SEMA4B: variants seen among roughly 807,000 people sequenced by gnomAD.
The protein encoded by SEMA4B is semaphorin-4B.
A neutral mutation model predicts 88.1 loss-of-function variants in SEMA4B; 55 were observed. The observed-to-expected ratio is 0.62, with a 90% confidence interval of 0.50 to 0.78. The LOEUF (loss-of-function observed/expected upper bound fraction) is 0.78. SEMA4B is among the 30% of genes least tolerant of loss of function. SEMA4B has a pLI of 0.00. For missense variants in SEMA4B, 1,062 were observed against 1,111.9 expected (o/e 0.96, Z 0.64); for synonymous variants, 525 against 473.6 (o/e 1.11, Z -1.41).
chr15:90,225,893 C>A, intron 12 of SEMA4B, 66 bp downstream of exon 12: 1 of 1,330,448 alleles, frequency 7.5e-7, no homozygotes, highest in Non-Finnish European at 9.8e-7. Flanking sequence ...GAGCACCATC[C>A]TGGGCCCTCC....
chr15:90,191,127 C>G (rs1034992375), intron 1 of SEMA4B, among the ~76,000 whole-genome samples: 1 of 152,188 alleles, frequency 6.6e-6, no homozygotes. Context: ...TTGAGCCCTG[C>G]TGATTGCCCC....
At chr15:90,197,110 G>C (rs1960533865), upstream of SEMA4B, among the ~76,000 whole-genome samples, 1 of 152,066 alleles carries the variant, frequency 6.6e-6, no homozygotes, top group South Asian at 2.1e-4. Context: ...AGATTGGCCA[G>C]GTACAGTGGT....
At chr15:90,215,617 G>A (rs752156836) in intron 1 of SEMA4B, among the ~76,000 whole-genome samples, 9 of 151,964 alleles carry the variant, frequency 5.9e-5, no homozygotes, top group Non-Finnish European at 1.2e-4. Flanking sequence ...TTCGAGACCA[G>A]CCTGGCCAAC....
rs1962265643 is a variant in SEMA4B at position 90,228,008 on chromosome 15, G to GC, written c.1884dup (p.Val629ArgfsTer57). 6.2e-7 allele frequency: 1 copy of GC among 1,613,782 alleles called. No homozygotes were observed. Among genetic ancestry groups the GC allele is most frequent in the East Asian group, 2.2e-5 (1 of 44,868 alleles). On this transcript the variant is annotated frameshift_variant, in exon 14 of 14. Transcript: ENST00000411539. LOFTEE classifies it high-confidence loss of function. ...GACCCGACTCTGGCTACGCAACGGG[G>GC]CCCCCGTCAATGCCTCGGCCTCCTG... is the stretch of plus-strand genomic sequence containing the variant.
In SEMA4B at chr15:90,217,596, C is replaced by T. The variant is rs200243901; in HGVS notation, c.315C>T (p.Tyr105=). 146 of 1,613,450 alleles carry T rather than the reference C, an allele frequency of 9.0e-5. No individual in the cohort carries two copies. Among genetic ancestry groups the T allele is most frequent in the Middle Eastern group, 6.6e-4 (4 of 6,062 alleles). ...TCAGCTTCCTGCCAGGCGGGGAGTA[C>T]CAGGAGGTGAGAGATGTTGCCTGGA... The part of the protein sequence containing the change: ...SNLSFLPGGE[Y]QELLWGADAE... The change falls in exon 2 of 14, where the codon TAC becomes TAT. Residue 105 remains tyrosine (Y), a synonymous_variant. Transcript: ENST00000411539.
upstream of SEMA4B, among the ~76,000 whole-genome samples, chr15:90,199,576 C>T (rs1960627068): frequency 6.6e-6 from 1 of 152,076 alleles, no homozygotes. Context: ...CCTGAAATCC[C>T]AGCACTTTGG....
chr15:90,218,849 G>A (rs969510994), intron 3 of SEMA4B, among the ~76,000 whole-genome samples: 3 of 152,158 alleles, frequency 2.0e-5, no homozygotes, highest in African/African-American at 7.2e-5. Flanking sequence ...AAATGTTATT[G>A]GCGGGGCGTG....
chr15:90,207,317 G>A (rs1336709584), intron 1 of SEMA4B, among the ~76,000 whole-genome samples: 1 of 126,118 alleles, frequency 7.9e-6, no homozygotes. Flanking sequence ...TTTCAGTGGG[G>A]ATGGTAGGTA....
chr15:90,206,745 CTG>C lies in SEMA4B; in HGVS notation c.157+5014_157+5015del, dbSNP rs1281305630. 5.2e-6 allele frequency: 4 copies of C among 765,862 alleles called. No individual in the cohort carries two copies. In the Admixed American group the frequency reaches 5.5e-5, roughly 11 times the overall value. The allele number at this position is 765,862 out of a possible 1,614,324, so 47.4% of individuals were successfully genotyped here. A position where few individuals can be genotyped will look rare whatever the true frequency, so the allele number is the denominator to read the frequency against. ...GTGCTTGCATCCAACGGTGATGAGACTGTGTATGTCAAGTTGGTGGAAGCCCT... is the reference window on the plus strand; with the variant it reads ...GTGCTTGCATCCAACGGTGATGAGACTGTATGTCAAGTTGGTGGAAGCCCT... On this transcript the variant is annotated intron_variant, in intron 1 of 13. Transcript: ENST00000411539.
chr15:90,215,922 C>T (rs114849092), intron 1 of SEMA4B, among the ~76,000 whole-genome samples: 4,055 of 152,174 alleles, frequency 0.027, 164 homozygotes, highest in African/African-American at 0.086. Flanking sequence ...CACCCCAGGC[C>T]AATTTAAAAG....
Position 90,224,988 on chromosome 15 carries a change from G to A in SEMA4B, c.1215G>A (p.Arg405=), listed in dbSNP as rs776778932. The part of the protein sequence containing the change: ...RPGACITNSA[R]ERKINSSLQL... ...TCCAGTGCATCACCAACAGTGCCCG[G>A]GAAAGGAAGATCAACTCATCCCTGC... Residue 405 remains arginine (R), a synonymous_variant, in exon 10 of 14, where the codon CGG becomes CGA. Transcript: ENST00000411539. 2.8e-5 allele frequency: 45 copies of A among 1,613,836 alleles called. No homozygotes were observed. In the South Asian group the frequency reaches 4.0e-4, roughly 14 times the overall value.
intron 4 of SEMA4B, 158 bp downstream of exon 4, chr15:90,220,049 C>G (rs2151617939): frequency 3.4e-6 from 2 of 580,056 alleles, no homozygotes; most frequent in South Asian, 2.3e-5. Flanking sequence ...GTCCCACACC[C>G]TGGCACAAAG....
chr15:90,210,588 C>T (rs1334269839), intron 1 of SEMA4B, among the ~76,000 whole-genome samples: 1 of 152,220 alleles, frequency 6.6e-6, no homozygotes, highest in African/African-American at 2.4e-5. Flanking sequence ...TAAAACACAG[C>T]AGCCTTGTGA....
intron 1 of SEMA4B, among the ~76,000 whole-genome samples, chr15:90,189,369 C>T (rs898641276): frequency 6.6e-6 from 1 of 152,184 alleles, no homozygotes; most frequent in African/African-American, 2.4e-5. Context: ...AGTTGTGGTC[C>T]TAGTCCTGAC....
intron 1 of SEMA4B, among the ~76,000 whole-genome samples, chr15:90,216,174 G>A (rs1275020788): frequency 6.6e-6 from 1 of 152,038 alleles, no homozygotes; most frequent in Non-Finnish European, 1.5e-5. Context: ...TTTTAGTAGA[G>A]ACGGGATCTC....
intron 13 of SEMA4B, 90 bp from the exon 14 acceptor site, chr15:90,227,814 C>T: frequency 6.4e-7 from 1 of 1,574,070 alleles, no homozygotes; most frequent in Non-Finnish European, 8.6e-7. Flanking sequence ...CCCATCGTGG[C>T]ACCAGGGGCA....
chr15:90,217,835 C>T lies in SEMA4B; in HGVS notation c.384+6C>T. 1.2e-6 allele frequency: 2 copies of T among 1,608,962 alleles called. No homozygotes were observed. The highest frequency in any genetic ancestry group is 2.7e-5 in the African/African-American group (2 of 74,898). ...TCAAGGGCAAGGACCCACAGGTGAG[C>T]CCACACCTGGAAGGGAGCTGAGCTG... On this transcript the variant is annotated splice_donor_region_variant and intron_variant, in intron 3 of 13. Transcript: ENST00000411539.
At chr15:90,225,473 G>T (rs562722490) in intron 11 of SEMA4B, 76 bp downstream of exon 11, 1 of 1,391,034 alleles carries the variant, frequency 7.2e-7, no homozygotes, top group Admixed American at 2.0e-5. Flanking sequence ...TCCCCACCCA[G>T]CTTCTCCTCC....
At chr15:90,206,951 T>C in intron 1 of SEMA4B, 1 of 607,086 alleles carries the variant, frequency 1.6e-6, no homozygotes, top group Non-Finnish European at 3.0e-6. Flanking sequence ...AGAGAGAACT[T>C]CTAATGCAAG....
Sources: allele counts gnomAD v4.1 joint callset (sites outside exome capture counted in the v4.1 genomes callset), GRCh38; gene constraint gnomAD v4.1.1; transcripts MANE v1.5; gene names NCBI Gene and HGNC (gene_info 2026-07-23, HGNC 2026-07-21).